Variants in CASP8 observed in about 807,000 individuals in gnomAD.
CASP8 encodes caspase 8.
CASP8 carries 24 observed loss-of-function variants against 46.3 expected under a neutral mutation model. The observed-to-expected ratio is 0.52, with a 90% confidence interval of 0.38 to 0.73. The LOEUF (loss-of-function observed/expected upper bound fraction) is 0.73. CASP8 is among the 30% of genes least tolerant of loss of function. The pLI, the probability that CASP8 is intolerant of heterozygous loss-of-function variation, is 0.00. For synonymous variants in CASP8, 188 were observed against 200.4 expected (o/e 0.94, Z 0.52); for missense variants, 460 against 559.0 (o/e 0.82, Z 1.79).
upstream of CASP8, among the ~76,000 whole-genome samples, chr2:201,256,289 G>A (rs184537895): frequency 1.6e-3 from 239 of 152,366 alleles, no homozygotes; most frequent in Non-Finnish European, 2.7e-3. Context: ...ACCTTATTCT[G>A]TCACTCACTG....
At chr2:201,237,077 C>A (rs1946080589) in intron 2 of CASP8, among the ~76,000 whole-genome samples, 1 of 148,918 alleles carries the variant, frequency 6.7e-6, no homozygotes, top group Non-Finnish European at 1.5e-5. Flanking sequence ...CCAGTATGAC[C>A]CCTTTCTATT....
upstream of CASP8, among the ~76,000 whole-genome samples, chr2:201,255,977 C>T (rs763817127): frequency 6.6e-6 from 1 of 152,158 alleles, no homozygotes; most frequent in South Asian, 2.1e-4. Flanking sequence ...AGGCTGGCCT[C>T]GATCTCTTGG....
chr2:201,255,580 G>A (rs1275952636), upstream of CASP8, among the ~76,000 whole-genome samples: 3 of 152,166 alleles, frequency 2.0e-5, no homozygotes, highest in Non-Finnish European at 4.4e-5. Flanking sequence ...GATGTGTACA[G>A]GGGCTAAGAG....
In CASP8 at chr2:201,286,463, G is replaced by A. The variant is rs746684914; in HGVS notation, c.1309G>A (p.Asp437Asn). The A allele has an allele frequency of 3.1e-6, 5 of 1,612,500 alleles. No homozygotes were observed. The South Asian group carries it at 3.3e-5, about 11-fold the overall frequency. Reference sequence around the variant, plus strand: ...ATATTATGTGATGTATTTCAGAGGCGATGATATTCTCACCATCCTGACTGA... The same window carrying A: ...ATATTATGTGATGTATTTCAGAGGCAATGATATTCTCACCATCCTGACTGA... ...QSLRERCPRGDDILTILTEVN... is the reference protein window; with the variant it reads ...QSLRERCPRGNDILTILTEVN... Residue 437 changes from aspartate (D) to asparagine (N), a missense_variant, in exon 9 of 9, where the codon GAT becomes AAT. Asp to Asn is a conservative substitution (Grantham distance 23). Transcript: ENST00000673742.
intron 2 of CASP8, among the ~76,000 whole-genome samples, chr2:201,244,729 A>G (rs1182688615): frequency 2.0e-5 from 3 of 152,178 alleles, no homozygotes; most frequent in Non-Finnish European, 2.9e-5. Flanking sequence ...GGGATAACTG[A>G]TGAAGAGGGT....
At chr2:201,263,820 G>C (rs1204889231) in intron 1 of CASP8, among the ~76,000 whole-genome samples, 1 of 152,186 alleles carries the variant, frequency 6.6e-6, no homozygotes. Flanking sequence ...ATGTGAATAA[G>C]AATGGATCTT....
intron 2 of CASP8, among the ~76,000 whole-genome samples, chr2:201,239,403 C>A (rs1427238095): frequency 6.6e-6 from 1 of 152,180 alleles, no homozygotes; most frequent in Admixed American, 6.5e-5. Context: ...GGGGCTGACC[C>A]CCCACCTCCC....
chr2:201,273,679 C>CTT (rs763280710), intron 5 of CASP8, among the ~76,000 whole-genome samples: 2 of 146,076 alleles, frequency 1.4e-5, no homozygotes, highest in Non-Finnish European at 1.5e-5. Context: ...ATCAAATAGT[C>CTT]TTTTTTTTTT....
chr2:201,279,718 C>T (rs577890758), intron 7 of CASP8, among the ~76,000 whole-genome samples: 13 of 152,256 alleles, frequency 8.5e-5, no homozygotes, highest in Admixed American at 5.2e-4. Flanking sequence ...TTTGGGAGGC[C>T]GAGGCAGGCG....
intron 5 of CASP8, among the ~76,000 whole-genome samples, chr2:201,273,976 G>C (rs771252753): frequency 6.6e-6 from 1 of 152,064 alleles, no homozygotes. Flanking sequence ...TATTCTTTCT[G>C]ATTAGAAAAA....
rs1033558912 is a variant in CASP8, at chr2:201,265,964, T to C, written c.-26-497T>C. On this transcript the variant is annotated intron_variant, in intron 1 of 8. Transcript: ENST00000673742. ...TCACAACCCTCTAACCATTGGCTTG[T>C]TTTTTTTGTTTTTTGTGTTTTTTTT... Among the ~76,000 whole-genome samples, 6 of 136,958 alleles carry C rather than the reference T, an allele frequency of 4.4e-5. No individual in the cohort carries two copies. In the South Asian group the frequency reaches 1.5e-3, roughly 35 times the overall value. The allele number at this position is 136,958 out of a possible 152,430, so 89.8% of individuals were successfully genotyped here. A position where few individuals can be genotyped will look rare whatever the true frequency, so the allele number is the denominator to read the frequency against.
At chr2:201,269,689 C>A in intron 2 of CASP8, 1 of 892,728 alleles carries the variant, frequency 1.1e-6, no homozygotes, top group Non-Finnish European at 1.8e-6. Flanking sequence ...TGTTCATTAT[C>A]ATTGAATACT....
intron 7 of CASP8, among the ~76,000 whole-genome samples, chr2:201,282,555 C>G (rs1197128434): frequency 1.8e-5 from 2 of 108,978 alleles, no homozygotes; most frequent in African/African-American, 3.0e-5. Context: ...GGCGGCTGGC[C>G]GGGCGGGGGG....
upstream of CASP8, among the ~76,000 whole-genome samples, chr2:201,259,881 G>GT (rs1347275616): frequency 1.4e-5 from 2 of 147,566 alleles, no homozygotes; most frequent in African/African-American, 2.5e-5. Context: ...GCATTTTAGA[G>GT]TTTTTTCTTT....
chr2:201,246,795 C>T (rs987284218), intron 2 of CASP8, among the ~76,000 whole-genome samples: 2 of 152,168 alleles, frequency 1.3e-5, no homozygotes, highest in Non-Finnish European at 2.9e-5. Context: ...TCAACTGGAA[C>T]GCAAAATGTT....
chr2:201,235,419 A>C (rs1326719379), intron 2 of CASP8, among the ~76,000 whole-genome samples: 1 of 152,204 alleles, frequency 6.6e-6, no homozygotes, highest in Non-Finnish European at 1.5e-5. Flanking sequence ...AATTGTCAAT[A>C]TAATTGGGCT....
chr2:201,238,408 A>T (rs1286056465), intron 2 of CASP8, among the ~76,000 whole-genome samples: 1 of 151,894 alleles, frequency 6.6e-6, no homozygotes, highest in Non-Finnish European at 1.5e-5. Context: ...ACCCTGAAAC[A>T]TTTATTTATT....
chr2:201,259,487 T>TA (rs1947236040), upstream of CASP8, among the ~76,000 whole-genome samples: 1 of 152,180 alleles, frequency 6.6e-6, no homozygotes, highest in African/African-American at 2.4e-5. Context: ...GGCATTGATA[T>TA]TATGAGGCCA....
upstream of CASP8, chr2:201,260,453 G>A (rs1947307891): frequency 5.3e-6 from 4 of 751,904 alleles, no homozygotes; most frequent in Middle Eastern, 6.8e-4. Context: ...AGTGGTAAGC[G>A]CTCTTTCCCC....
Sources: gnomAD v4.1 joint callset for allele counts (sites outside exome capture counted in the v4.1 genomes callset) on GRCh38, gnomAD v4.1.1 for gene constraint, MANE v1.5 for transcripts, NCBI Gene and HGNC (gene_info 2026-07-23, HGNC 2026-07-21) for gene names.